Variants in PPP2R2B observed in about 807,000 individuals in gnomAD.
PPP2R2B encodes the protein protein phosphatase 2 regulatory subunit Bbeta, also known as serine/threonine-protein phosphatase 2A 55 kDa regulatory subunit B beta isoform.
A neutral mutation model predicts 46.0 loss-of-function variants in PPP2R2B; 5 were observed. The ratio of observed to expected loss-of-function variants is 0.11; its 90% CI spans 0.06 to 0.23. The LOEUF is 0.23. Ranked by LOEUF, PPP2R2B falls within the 10% of genes least tolerant of loss-of-function variation. The pLI is 1.00. For missense variants in PPP2R2B, 367 were observed against 575.0 expected (o/e 0.64, Z 3.70); for synonymous variants, 215 against 206.7 (o/e 1.04, Z -0.34).
chr5:147,048,558 G>A (rs1443068106), intron 1 of PPP2R2B, among the ~76,000 whole-genome samples: 1 of 152,058 alleles, frequency 6.6e-6, no homozygotes, highest in African/African-American at 2.4e-5. Flanking sequence ...GAATGCAGTG[G>A]GAAATATGAA....
At chr5:146,787,545 C>A (rs1248797991) in intron 2 of PPP2R2B, among the ~76,000 whole-genome samples, 1 of 151,758 alleles carries the variant, frequency 6.6e-6, no homozygotes, top group Non-Finnish European at 1.5e-5. Flanking sequence ...TCCCCTCTCG[C>A]CTCTCCCCTC....
chr5:146,821,752 A>G (rs536123873), intron 2 of PPP2R2B, among the ~76,000 whole-genome samples: 1 of 151,830 alleles, frequency 6.6e-6, no homozygotes, highest in Non-Finnish European at 1.5e-5. Context: ...AAAACTATTT[A>G]GACCTCATGT....
intron 1 of PPP2R2B, among the ~76,000 whole-genome samples, chr5:146,998,362 C>G (rs1234510639): frequency 1.3e-5 from 2 of 152,150 alleles, no homozygotes; most frequent in South Asian, 2.1e-4. Flanking sequence ...GGAATGTGCT[C>G]TTAGTAAATA....
At chr5:146,983,849 T>C (rs1753301717) in intron 1 of PPP2R2B, among the ~76,000 whole-genome samples, 1 of 152,058 alleles carries the variant, frequency 6.6e-6, no homozygotes, top group Admixed American at 6.5e-5. Flanking sequence ...TTAGAGGATT[T>C]CTTTTAATCA....
intron 5 of PPP2R2B, among the ~76,000 whole-genome samples, chr5:146,670,112 G>T (rs921611357): frequency 2.6e-5 from 4 of 152,160 alleles, no homozygotes; most frequent in African/African-American, 9.7e-5. Flanking sequence ...AAAACTCAGT[G>T]AACACAGTAT....
At chr5:146,894,718 G>A (rs771413754) in intron 1 of PPP2R2B, among the ~76,000 whole-genome samples, 3 of 152,158 alleles carry the variant, frequency 2.0e-5, no homozygotes, top group Non-Finnish European at 4.4e-5. Flanking sequence ...GGTATTACAG[G>A]CATGAGCCAC....
In PPP2R2B at chr5:146,790,933, G is replaced by A. The variant is rs148026680; in HGVS notation, c.70+87069C>T. On this transcript the variant is annotated intron_variant, in intron 2 of 9. Transcript: ENST00000394411. ...GAACTATACTAGAGTAGATACACAA[G>A]TGGAGCAGAAAGGACAAAAGTCACA... 2.2e-3 allele frequency among the ~76,000 whole-genome samples: 335 copies of A among 152,312 alleles called. 2 individuals carry two copies. In the South Asian group the frequency reaches 0.033, roughly 15 times the overall value.
intron 2 of PPP2R2B, among the ~76,000 whole-genome samples, chr5:146,831,784 G>A (rs573362204): frequency 6.6e-6 from 1 of 152,290 alleles, no homozygotes; most frequent in East Asian, 1.9e-4. Flanking sequence ...GTGACAGAGT[G>A]AGACTTCGTC....
chr5:146,703,099 A>G (rs1167722373), intron 2 of PPP2R2B, among the ~76,000 whole-genome samples: 1 of 152,230 alleles, frequency 6.6e-6, no homozygotes, highest in Non-Finnish European at 1.5e-5. Context: ...GTTGCTTCAG[A>G]TTGCCCTGCT....
chr5:146,718,626 A>T (rs772679360), intron 2 of PPP2R2B, among the ~76,000 whole-genome samples: 14 of 152,176 alleles, frequency 9.2e-5, no homozygotes, highest in Admixed American at 9.2e-4. Flanking sequence ...ATGCATTATA[A>T]AATGCACACA....
At chr5:146,948,803 T>C (rs896762404) in intron 1 of PPP2R2B, among the ~76,000 whole-genome samples, 1 of 152,094 alleles carries the variant, frequency 6.6e-6, no homozygotes, top group African/African-American at 2.4e-5. Context: ...GTTTAGTAGA[T>C]ACATTTGACA....
chr5:146,681,092 A>T (rs893022110), intron 5 of PPP2R2B, among the ~76,000 whole-genome samples: 1 of 152,178 alleles, frequency 6.6e-6, no homozygotes, highest in African/African-American at 2.4e-5. Context: ...CCCGGCTTGC[A>T]ACGTACTAGG....
At chr5:146,750,545 C>G (rs1257110386) in intron 2 of PPP2R2B, among the ~76,000 whole-genome samples, 1 of 152,134 alleles carries the variant, frequency 6.6e-6, no homozygotes, top group Non-Finnish European at 1.5e-5. Context: ...AGATTGGATA[C>G]AGAATATTTC....
intron 7 of PPP2R2B, among the ~76,000 whole-genome samples, chr5:146,620,496 C>T (rs977057885): frequency 6.6e-6 from 1 of 152,162 alleles, no homozygotes; most frequent in African/African-American, 2.4e-5. Flanking sequence ...CGACAGGAGC[C>T]TAATGAAGAA....
intron 1 of PPP2R2B, among the ~76,000 whole-genome samples, chr5:147,004,839 G>A (rs2151872289): frequency 6.6e-6 from 1 of 152,228 alleles, no homozygotes; most frequent in South Asian, 2.1e-4. Flanking sequence ...CAGACTCGTG[G>A]GACAACCCCA....
At chr5:146,821,671 T>C (rs1758269779) in intron 2 of PPP2R2B, among the ~76,000 whole-genome samples, 1 of 152,020 alleles carries the variant, frequency 6.6e-6, no homozygotes, top group Non-Finnish European at 1.5e-5. Context: ...ATAATAGAGT[T>C]GAAATTAGAA....
intron 1 of PPP2R2B, among the ~76,000 whole-genome samples, chr5:147,046,487 C>G (rs1217225848): frequency 6.6e-6 from 1 of 152,152 alleles, no homozygotes. Flanking sequence ...GCCAGTCCCT[C>G]TAATGATGGC....
intron 1 of PPP2R2B, among the ~76,000 whole-genome samples, chr5:146,886,681 T>TA (rs1762339514): frequency 1.3e-5 from 2 of 152,102 alleles, no homozygotes; most frequent in Non-Finnish European, 2.9e-5. Flanking sequence ...ATTTTTTGGT[T>TA]AAAAAATGTG....
At chr5:146,845,494 C>T (rs1052463361) in intron 2 of PPP2R2B, among the ~76,000 whole-genome samples, 1 of 151,910 alleles carries the variant, frequency 6.6e-6, no homozygotes, top group African/African-American at 2.4e-5. Context: ...ACCTCGTGAT[C>T]CGCCCGCCTC....
Sources: gnomAD v4.1 joint callset for allele counts (sites outside exome capture counted in the v4.1 genomes callset) on GRCh38, gnomAD v4.1.1 for gene constraint, MANE v1.5 for transcripts, NCBI Gene and HGNC (gene_info 2026-07-23, HGNC 2026-07-21) for gene names.